ALG12: variants seen among roughly 807,000 people sequenced by gnomAD.
ALG12 encodes ALG12 alpha-1,6-mannosyltransferase.
In ALG12, 36 loss-of-function variants were observed where a neutral mutation model predicts 46.0. That is an observed-to-expected ratio of 0.78 (90% CI 0.60 to 1.03). The LOEUF is 1.03. Ranked by LOEUF, ALG12 falls within the 50% of genes least tolerant of loss-of-function variation. ALG12 has a pLI of 0.00. For missense variants in ALG12, 599 were observed against 633.5 expected, an observed-to-expected ratio of 0.95 and a Z score of 0.58; for synonymous variants, 326 against 291.6, an observed-to-expected ratio of 1.12 and a Z score of -1.20.
chr22:49,906,260 T>C lies in ALG12; in HGVS notation c.992+1461A>G, dbSNP rs1191344124. Among the ~76,000 whole-genome samples the C allele has an allele frequency of 2.0e-5, 3 of 152,044 alleles. No homozygotes were observed. The highest frequency in any genetic ancestry group is 7.2e-5 in the African/African-American group (3 of 41,400). ...TGGAAAAGCCTGTCACCGAATACAA[T>C]CCATCCGCGCCGCTCTCCCCGTCTT... On this transcript the variant is annotated intron_variant, in intron 7 of 9. Coordinates refer to ENST00000330817, the MANE Select transcript of ALG12 (RefSeq NM_024105.4). The surrounding 1 kb of genome is among the most constrained non-coding windows in gnomAD (Gnocchi z 4.4).
At chr22:49,860,551 T>C in the ALG12 span, among the ~76,000 whole-genome samples, 168 of 152,358 alleles carry the variant, frequency 1.1e-3, no homozygotes, top group African/African-American at 4.0e-3. Flanking sequence ...AAGTGCTGTA[T>C]TTTAAAGTTC....
chr22:49,859,347 C>T, the ALG12 span, among the ~76,000 whole-genome samples: 1 of 152,044 alleles, frequency 6.6e-6, no homozygotes, highest in Non-Finnish European at 1.5e-5. Context: ...TTTATTTATT[C>T]CATGTCATAA....
the ALG12 span, among the ~76,000 whole-genome samples, chr22:49,891,560 T>G: frequency 6.6e-6 from 1 of 152,354 alleles, no homozygotes; most frequent in South Asian, 2.1e-4. Flanking sequence ...TGCTGACTTC[T>G]TTAGGGCACT....
intron 1 of ALG12, among the ~76,000 whole-genome samples, chr22:49,917,624 C>G (rs1162847802): frequency 6.6e-6 from 1 of 151,850 alleles, no homozygotes; most frequent in East Asian, 1.9e-4. Flanking sequence ...GCTGAGATCG[C>G]GCCACTGCAC....
chr22:49,888,935 G>C, the ALG12 span: 5 of 167,260 alleles, frequency 3.0e-5, no homozygotes, highest in African/African-American at 1.2e-4. Flanking sequence ...CACAGTTCTT[G>C]CTTAGCTGTG....
Position 49,915,558 on chromosome 22 carries a change from GAAAT to G in ALG12, c.-78-1719_-78-1716del, listed in dbSNP as rs1236974331. 5.9e-5 allele frequency among the ~76,000 whole-genome samples: 9 copies of G among 152,036 alleles called. No homozygotes were observed. In the East Asian group the frequency reaches 9.6e-4, roughly 16 times the overall value. On this transcript the variant is annotated intron_variant, in intron 1 of 9. Transcript: ENST00000330817. ...GGCCACAGAGCGTGACTCCGTCTCAGAAATAAATAAATAGATAATAAAAAAATTT... is the reference window on the plus strand; with the variant it reads ...GGCCACAGAGCGTGACTCCGTCTCAGAAATAAATAGATAATAAAAAAATTT...
rs2060591072 is a variant in ALG12 at position 49,913,412 on chromosome 22, T to C, written c.268A>G (p.Met90Val). 1 of 1,613,864 alleles carries C rather than the reference T, an allele frequency of 6.2e-7. No homozygotes were observed. The highest frequency in any genetic ancestry group is 8.5e-7 in the Non-Finnish European group (1 of 1,180,048). The part of the protein sequence containing the change: ...PAVYVLSLLE[M>V]SKFYSQLIVR... ...ATTAGCTGAGAGTAAAACTTGGACA[T>C]TTCTAACAGCGAAAGCACGTAAACC... Residue 90 changes from methionine to valine, a missense_variant, in exon 3 of 10, where the codon ATG (methionine) becomes GTG (valine). By Grantham distance (21) the Met-to-Val change is conservative. Coordinates refer to ENST00000330817, the MANE Select transcript of ALG12 (RefSeq NM_024105.4).
At chr22:49,868,445 G>C in the ALG12 span, among the ~76,000 whole-genome samples, 1 of 152,120 alleles carries the variant, frequency 6.6e-6, no homozygotes, top group Admixed American at 6.6e-5. Flanking sequence ...ACTGGGTGGT[G>C]GCACACACCT....
the ALG12 span, chr22:49,886,968 C>T: frequency 6.2e-7 from 1 of 1,614,104 alleles, no homozygotes; most frequent in South Asian, 1.1e-5. The surrounding 1 kb of genome is among the most constrained non-coding windows in gnomAD (Gnocchi z 7.7). Flanking sequence ...ACCCGCTCAC[C>T]TACTGGAACC....
intron 7 of ALG12, 123 bp from the exon 8 acceptor site, chr22:49,904,629 C>T: frequency 1.7e-5 from 19 of 1,139,066 alleles, no homozygotes; most frequent in Non-Finnish European, 2.4e-5. Context: ...AAAGAGTTCA[C>T]CACCAAATAA....
the ALG12 span, among the ~76,000 whole-genome samples, chr22:49,872,235 T>G: frequency 6.6e-6 from 1 of 152,328 alleles, no homozygotes; most frequent in Admixed American, 6.5e-5. Context: ...ATTTTAACAG[T>G]GTTCATAGCA....
At chr22:49,862,063 G>A in the ALG12 span, among the ~76,000 whole-genome samples, 7,804 of 152,232 alleles carry the variant, frequency 0.051, 461 homozygotes, top group African/African-American at 0.15. Context: ...TATCTTGAAC[G>A]GGTTTTCATT....
intron 1 of ALG12, among the ~76,000 whole-genome samples, chr22:49,917,372 C>T (rs1200543989): frequency 1.3e-5 from 2 of 152,168 alleles, no homozygotes; most frequent in Non-Finnish European, 2.9e-5. Flanking sequence ...AGGCCTCTAC[C>T]GAAATTGATC....
the ALG12 span, among the ~76,000 whole-genome samples, chr22:49,871,051 A>G: frequency 6.6e-6 from 1 of 150,654 alleles, no homozygotes; most frequent in East Asian, 2.0e-4. Flanking sequence ...AGCAATTCTC[A>G]TGCCTCAGCC....
chr22:49,890,351 C>G, the ALG12 span, among the ~76,000 whole-genome samples: 1 of 152,182 alleles, frequency 6.6e-6, no homozygotes, highest in African/African-American at 2.4e-5. Context: ...ATTTTTATTT[C>G]TCAATGTAAG....
In ALG12 at chr22:49,901,451, G is replaced by C. The variant is rs2060504651; in HGVS notation, c.*2387C>G. 1 of 150,104 alleles carries C rather than the reference G, an allele frequency of 6.7e-6. No individual in the cohort carries two copies. The highest frequency in any genetic ancestry group is 1.5e-5 in the Non-Finnish European group (1 of 67,676). The allele number at this position is 150,104 out of a possible 1,614,324, so 9.3% of individuals were successfully genotyped here. A position where few individuals can be genotyped will look rare whatever the true frequency, so the allele number is the denominator to read the frequency against. On this transcript the variant is annotated 3_prime_UTR_variant, in exon 10 of 10. Transcript: ENST00000330817. ...AGAAATCATGTCTTTATGCACACGT[G>C]TGTGCATGTGTGGTATGTATGCATG...
chr22:49,912,430 A>C (rs943968697), intron 3 of ALG12, among the ~76,000 whole-genome samples: 1 of 152,148 alleles, frequency 6.6e-6, no homozygotes, highest in African/African-American at 2.4e-5. Context: ...TTGCCTGTGG[A>C]CTTCCTTTCC....
chr22:49,895,341 G>A (rs1379418147), downstream of ALG12, among the ~76,000 whole-genome samples: 2 of 152,100 alleles, frequency 1.3e-5, no homozygotes, highest in Non-Finnish European at 2.9e-5. Context: ...TTGTGACAGG[G>A]AATTTTATTC....
rs1245423352 is a variant in ALG12 at position 49,902,647 on chromosome 22, ACT to A, written c.*1189_*1190del. 6.8e-6 allele frequency: 1 copy of A among 146,022 alleles called. No individual in the cohort carries two copies. The highest frequency in any genetic ancestry group is 6.9e-5 in the Admixed American group (1 of 14,512). 9.0% of individuals were successfully genotyped at this position (146,022 alleles called of 1,614,324 possible). A position where few individuals can be genotyped will look rare whatever the true frequency, so the allele number is the denominator to read the frequency against. ...TATGCATGGTAATGTGCACGTGTGC[ACT>A]GTGTGGTGTGTATGCATGGTGTGTG... On this transcript the variant is annotated 3_prime_UTR_variant, in exon 10 of 10. Coordinates refer to ENST00000330817, the MANE Select transcript of ALG12 (RefSeq NM_024105.4).
Sources: gnomAD v4.1 joint callset for allele counts (sites outside exome capture counted in the v4.1 genomes callset) on GRCh38, gnomAD v4.1.1 for gene constraint, Gnocchi (gnomAD v3.1) non-coding constraint, MANE v1.5 for transcripts, NCBI Gene and HGNC (gene_info 2026-07-23, HGNC 2026-07-21) for gene names.